Variants in CRISPLD2 observed in about 807,000 individuals in gnomAD.
CRISPLD2 encodes cysteine rich secretory protein LCCL domain containing 2, also known as cysteine-rich secretory protein LCCL domain-containing 2.
CRISPLD2 carries 47 observed loss-of-function variants against 71.1 expected under a neutral mutation model. That is an observed-to-expected ratio of 0.66 (90% CI 0.52 to 0.84). The LOEUF (loss-of-function observed/expected upper bound fraction) is 0.84. CRISPLD2 is among the 40% of genes least tolerant of loss of function. The pLI, the probability that CRISPLD2 is intolerant of heterozygous loss-of-function variation, is 0.00. For missense variants in CRISPLD2, 830 were observed against 651.1 expected (o/e 1.27, Z -2.99); for synonymous variants, 317 against 250.1 (o/e 1.27, Z -2.52).
At position 84,862,793 on chromosome 16, in the gene CRISPLD2, G is replaced by T. The variant is rs1235189738; in HGVS notation, c.710-4104G>T. On this transcript the variant is annotated intron_variant, in intron 6 of 14. Coordinates refer to ENST00000262424, the MANE Select transcript of CRISPLD2 (RefSeq NM_031476.4). ...AAGGGTGGGGTAGATGTGGGATCAGGCTGGTGGGTTCTGGAGTGAAGAACA... is the reference window on the plus strand; with the variant it reads ...AAGGGTGGGGTAGATGTGGGATCAGTCTGGTGGGTTCTGGAGTGAAGAACA... Among the ~76,000 whole-genome samples the T allele has an allele frequency of 2.6e-5, 4 of 151,576 alleles. 1 individual carries two copies. The highest frequency in any genetic ancestry group is 1.3e-4 in the Admixed American group (2 of 15,166).
chr16:84,836,001 C>A lies in CRISPLD2; in HGVS notation c.-74-2421C>A, dbSNP rs558491194. ...GCTTCAAAATCCAAAACTTTTTGAG[C>A]ACTGCCCTGAAGCCACGTGTGGAAA... On this transcript the variant is annotated intron_variant, in intron 1 of 14. Coordinates refer to ENST00000262424, the MANE Select transcript of CRISPLD2 (RefSeq NM_031476.4). 4.3e-4 allele frequency among the ~76,000 whole-genome samples: 66 copies of A among 152,336 alleles called. 1 individual carries two copies. Among genetic ancestry groups the A allele is most frequent in the Non-Finnish European group, 8.4e-4 (57 of 68,032 alleles).
intron 13 of CRISPLD2, among the ~76,000 whole-genome samples, chr16:84,886,875 A>G (rs977404244): frequency 2.2e-4 from 33 of 152,210 alleles, no homozygotes; most frequent in African/African-American, 6.5e-4. Context: ...TGCACAGCTT[A>G]TTAGCATTAA....
intron 14 of CRISPLD2, among the ~76,000 whole-genome samples, chr16:84,891,383 G>A (rs764613763): frequency 2.0e-5 from 3 of 152,146 alleles, no homozygotes; most frequent in African/African-American, 4.8e-5. Context: ...TACCCAGATC[G>A]TGCCCATTCT....
At chr16:84,902,352 G>T (rs1340238675) in intron 14 of CRISPLD2, among the ~76,000 whole-genome samples, 1 of 151,874 alleles carries the variant, frequency 6.6e-6, no homozygotes, top group Non-Finnish European at 1.5e-5. Flanking sequence ...GCTCACGCCT[G>T]TAATTCCAGC....
rs978210991 is a variant in CRISPLD2 at position 84,838,459 on chromosome 16, G to A, written c.-37G>A. On this transcript the variant is annotated 5_prime_UTR_variant, in exon 2 of 15. Coordinates refer to ENST00000262424, the MANE Select transcript of CRISPLD2 (RefSeq NM_031476.4). ...CAGCTCTGCCCGAGGAGCCCAGGCT[G>A]CCCCGTGAGTCCCATAGTTGCTGCA... 2 of 1,597,602 alleles carry A rather than the reference G, an allele frequency of 1.3e-6. No individual in the cohort carries two copies. Among genetic ancestry groups the A allele is most frequent in the Non-Finnish European group, 1.7e-6 (2 of 1,169,882 alleles).
chr16:84,832,943 T>C (rs1313776700), intron 1 of CRISPLD2, among the ~76,000 whole-genome samples: 1 of 152,170 alleles, frequency 6.6e-6, no homozygotes, highest in Non-Finnish European at 1.5e-5. Context: ...GGTGATCCCC[T>C]AAATGTCCAC....
At chr16:84,820,989 T>C (rs140319436) in intron 1 of CRISPLD2, among the ~76,000 whole-genome samples, 95 of 152,348 alleles carry the variant, frequency 6.2e-4, no homozygotes, top group Admixed American at 1.2e-3. Context: ...CAGGGAGGAC[T>C]TCGCTGATGC....
chr16:84,860,566 C>T (rs1226828116), intron 6 of CRISPLD2, among the ~76,000 whole-genome samples: 2 of 152,292 alleles, frequency 1.3e-5, no homozygotes, highest in Non-Finnish European at 2.9e-5. Flanking sequence ...TTTATCCCCT[C>T]AGACAAAGGT....
rs140861354 is a variant in CRISPLD2, at chr16:84,842,532, C to T, written c.241-3254C>T. 3.6e-3 allele frequency among the ~76,000 whole-genome samples: 540 copies of T among 151,904 alleles called. 2 individuals are homozygous for T. Among genetic ancestry groups the T allele is most frequent in the African/African-American group, 0.013 (524 of 41,368 alleles). On this transcript the variant is annotated intron_variant, in intron 2 of 14. Transcript: ENST00000262424. ...GGAACGACAGGTGCGCACCAGCACA[C>T]CCGGCTAATTTTTGTATTTCTGGTA...
At chr16:84,881,586 G>A (rs2071568949) in intron 13 of CRISPLD2, among the ~76,000 whole-genome samples, 4 of 152,218 alleles carry the variant, frequency 2.6e-5, no homozygotes. Flanking sequence ...GAATCTTCTA[G>A]ATCTAAAATT....
rs566272013 is a variant in CRISPLD2 at position 84,826,598 on chromosome 16, G to A, written c.-75+6465G>A. Among the ~76,000 whole-genome samples, 4 of 152,270 alleles carry A rather than the reference G, an allele frequency of 2.6e-5. No homozygotes were observed. In the East Asian group the frequency reaches 7.7e-4, roughly 29 times the overall value. On this transcript the variant is annotated intron_variant, in intron 1 of 14. Transcript: ENST00000262424. ...TGCTGCCCACACAGCCAGTCCGTTC[G>A]CCCCGGGAGGGAAGACACGGTTTAT... is the stretch of plus-strand genomic sequence containing the variant.
intron 12 of CRISPLD2, among the ~76,000 whole-genome samples, chr16:84,879,899 A>G (rs1343876178): frequency 6.6e-6 from 1 of 152,240 alleles, no homozygotes; most frequent in Non-Finnish European, 1.5e-5. Flanking sequence ...TTTCTTAAGT[A>G]AAGCCCGTGC....
intron 6 of CRISPLD2, among the ~76,000 whole-genome samples, chr16:84,857,693 T>G (rs1408702369): frequency 1.3e-5 from 2 of 152,192 alleles, no homozygotes; most frequent in Non-Finnish European, 2.9e-5. Context: ...TCATGCAGAA[T>G]CATCTGTGAA....
intron 1 of CRISPLD2, among the ~76,000 whole-genome samples, chr16:84,824,053 C>G (rs143238265): frequency 9.2e-5 from 14 of 152,118 alleles, no homozygotes; most frequent in African/African-American, 3.4e-4. Flanking sequence ...CTGAGACTGA[C>G]TTGAGAAGAG....
chr16:84,842,439 A>C (rs1197471188), intron 2 of CRISPLD2, among the ~76,000 whole-genome samples: 1 of 142,744 alleles, frequency 7.0e-6, no homozygotes, highest in Non-Finnish European at 1.5e-5. Flanking sequence ...CAGTGGTGCT[A>C]TCTCGGCTCA....
In CRISPLD2 at chr16:84,858,906, A is replaced by G. The variant is rs866427291; in HGVS notation, c.709+4077A>G. Among the ~76,000 whole-genome samples, 11 of 152,254 alleles carry G rather than the reference A, an allele frequency of 7.2e-5. 1 individual carries two copies. In the South Asian group the frequency reaches 1.9e-3, roughly 26 times the overall value. ...TGCAGCAGGTGCAATTGGAGTCACC[A>G]CTTGGTTAAGCTTGCGATAATCCAC... is the stretch of plus-strand genomic sequence containing the variant. On this transcript the variant is annotated intron_variant, in intron 6 of 14. Coordinates refer to ENST00000262424, the MANE Select transcript of CRISPLD2 (RefSeq NM_031476.4).
chr16:84,849,574 C>G, intron 4 of CRISPLD2, 57 bp downstream of exon 4: 1 of 1,538,068 alleles, frequency 6.5e-7, no homozygotes, highest in Non-Finnish European at 8.8e-7. Context: ...GTCATTCACC[C>G]CCTGCCCCTG....
At chr16:84,831,839 A>T (rs946982071) in intron 1 of CRISPLD2, among the ~76,000 whole-genome samples, 1 of 152,050 alleles carries the variant, frequency 6.6e-6, no homozygotes, top group African/African-American at 2.4e-5. Context: ...GATTCAAGTG[A>T]TTTTCCTGCC....
At chr16:84,833,283 C>T (rs898097030) in intron 1 of CRISPLD2, among the ~76,000 whole-genome samples, 2 of 152,168 alleles carry the variant, frequency 1.3e-5, no homozygotes, top group Non-Finnish European at 2.9e-5. Context: ...CCCCTCCCAG[C>T]CTCTGCTGTG....
Sources: allele counts gnomAD v4.1 joint callset (sites outside exome capture counted in the v4.1 genomes callset), GRCh38; gene constraint gnomAD v4.1.1; transcripts MANE v1.5; gene names NCBI Gene and HGNC (gene_info 2026-07-23, HGNC 2026-07-21).